Variants in PRKG1 observed in about 807,000 individuals in gnomAD.
PRKG1 encodes cGMP-dependent protein kinase 1.
PRKG1 carries 35 observed loss-of-function variants against 88.1 expected under a neutral mutation model. That is an observed-to-expected ratio of 0.40 (90% CI 0.30 to 0.53). The LOEUF (loss-of-function observed/expected upper bound fraction) is 0.53. PRKG1 is among the 20% of genes least tolerant of loss of function. The pLI, the probability that PRKG1 is intolerant of heterozygous loss-of-function variation, is 0.59. For synonymous variants in PRKG1, 303 were observed against 292.5 expected (o/e 1.04, Z -0.37); for missense variants, 540 against 839.8 (o/e 0.64, Z 4.41).
chr10:52,127,588 A>T (rs1323026636), intron 7 of PRKG1, among the ~76,000 whole-genome samples: 1 of 152,184 alleles, frequency 6.6e-6, no homozygotes, highest in Non-Finnish European at 1.5e-5. Context: ...TTAATTTATT[A>T]TATAGAAACT....
chr10:51,193,742 C>A (rs1476966867), intron 2 of PRKG1, among the ~76,000 whole-genome samples: 2 of 152,020 alleles, frequency 1.3e-5, no homozygotes, highest in Non-Finnish European at 2.9e-5. Context: ...GATCATAAGC[C>A]AAGGAGAAAA....
At chr10:51,863,288 T>A in intron 4 of PRKG1, among the ~76,000 whole-genome samples, 1 of 152,186 alleles carries the variant, frequency 6.6e-6, no homozygotes, top group East Asian at 1.9e-4. Context: ...CCAGCAAGAA[T>A]GGACCACAGT....
intron 1 of PRKG1, among the ~76,000 whole-genome samples, chr10:51,127,281 A>T (rs1845452033): frequency 6.6e-6 from 1 of 152,152 alleles, no homozygotes; most frequent in African/African-American, 2.4e-5. Flanking sequence ...CAACAACAAC[A>T]TCAAAAAGTG....
chr10:51,547,947 AG>A (rs1322308269), intron 3 of PRKG1, among the ~76,000 whole-genome samples: 1 of 152,120 alleles, frequency 6.6e-6, no homozygotes, highest in African/African-American at 2.4e-5. Context: ...TTAATTATTA[AG>A]GCTTAATTCA....
intron 3 of PRKG1, among the ~76,000 whole-genome samples, chr10:51,500,006 C>T (rs1322537449): frequency 6.6e-6 from 1 of 152,030 alleles, no homozygotes; most frequent in African/African-American, 2.4e-5. Context: ...CAAACAAAAA[C>T]ATAATCTTGG....
At chr10:51,995,771 A>G (rs1844423840) in intron 5 of PRKG1, among the ~76,000 whole-genome samples, 1 of 152,208 alleles carries the variant, frequency 6.6e-6, no homozygotes. Flanking sequence ...AAATGGAGGT[A>G]AACATGTATA....
chr10:52,119,218 G>A (rs1847758993), intron 7 of PRKG1, among the ~76,000 whole-genome samples: 1 of 152,110 alleles, frequency 6.6e-6, no homozygotes, highest in Non-Finnish European at 1.5e-5. Context: ...GAGCATTGAA[G>A]ACCATGATAA....
At chr10:51,006,483 A>G (rs1589102808) in intron 1 of PRKG1, among the ~76,000 whole-genome samples, 1 of 152,332 alleles carries the variant, frequency 6.6e-6, no homozygotes, top group East Asian at 1.9e-4. Flanking sequence ...CCAAATATAT[A>G]AGAACTTTTA....
At chr10:52,016,298 G>T (rs12572645) in intron 5 of PRKG1, among the ~76,000 whole-genome samples, 30,943 of 152,142 alleles carry the variant, frequency 0.2, 3,315 homozygotes, top group East Asian at 0.32. Context: ...GAATCAAGAC[G>T]TTTTTTATAT....
At position 51,427,967 on chromosome 10, in the gene PRKG1, G is replaced by A. The variant is rs150272417; in HGVS notation, c.479-39756G>A. 6.7e-3 allele frequency among the ~76,000 whole-genome samples: 1,023 copies of A among 152,242 alleles called. 14 individuals carry two copies. The highest frequency in any genetic ancestry group is 0.024 in the African/African-American group (988 of 41,550). On this transcript the variant is annotated intron_variant, in intron 2 of 17. Coordinates refer to ENST00000373980, the MANE Select transcript of PRKG1 (RefSeq NM_006258.4). ...AAAGTCATGAGTTAATGGAATCCAT[G>A]GAGTGGAACAAATATGAGTAAAGTC... is the stretch of plus-strand genomic sequence containing the variant.
intron 2 of PRKG1, among the ~76,000 whole-genome samples, chr10:51,391,251 G>A (rs1016891840): frequency 6.6e-6 from 1 of 152,174 alleles, no homozygotes; most frequent in Non-Finnish European, 1.5e-5. Flanking sequence ...CTTACCTCCT[G>A]CAGAGTGAGT....
intron 4 of PRKG1, among the ~76,000 whole-genome samples, chr10:51,862,367 C>T (rs1304475430): frequency 6.6e-6 from 1 of 152,130 alleles, no homozygotes; most frequent in Non-Finnish European, 1.5e-5. Context: ...GCACTTTTCA[C>T]ACCCACCATT....
intron 7 of PRKG1, among the ~76,000 whole-genome samples, chr10:52,097,094 A>G (rs1006277060): frequency 1.3e-5 from 2 of 152,174 alleles, no homozygotes; most frequent in Admixed American, 6.6e-5. Context: ...GACAGATTCA[A>G]TAAAATTGTT....
chr10:51,642,069 A>T (rs1839813326), intron 3 of PRKG1, among the ~76,000 whole-genome samples: 1 of 152,204 alleles, frequency 6.6e-6, no homozygotes, highest in East Asian at 1.9e-4. Flanking sequence ...TACATTTCAT[A>T]GAACTTAAAG....
At chr10:51,446,804 G>A (rs1434774939) in intron 2 of PRKG1, among the ~76,000 whole-genome samples, 1 of 152,030 alleles carries the variant, frequency 6.6e-6, no homozygotes, top group Non-Finnish European at 1.5e-5. Flanking sequence ...GGTCCATGTT[G>A]ACTATCTTAT....
chr10:51,351,560 A>C (rs929577060), intron 2 of PRKG1, among the ~76,000 whole-genome samples: 4 of 151,934 alleles, frequency 2.6e-5, no homozygotes, highest in African/African-American at 9.7e-5. Flanking sequence ...TCTTCTTTTG[A>C]GAAGTGTCTC....
intron 2 of PRKG1, among the ~76,000 whole-genome samples, chr10:51,314,919 G>A (rs1427545432): frequency 6.6e-6 from 1 of 152,146 alleles, no homozygotes; most frequent in Non-Finnish European, 1.5e-5. Context: ...TCACATCTAT[G>A]CCCTTGAGTT....
intron 3 of PRKG1, among the ~76,000 whole-genome samples, chr10:51,658,649 C>T (rs1689628729): frequency 6.6e-6 from 1 of 152,084 alleles, no homozygotes; most frequent in Non-Finnish European, 1.5e-5. Flanking sequence ...TGAATTCTCA[C>T]TAAAGGATAT....
At chr10:51,834,778 GA>G (rs1840091459) in intron 4 of PRKG1, among the ~76,000 whole-genome samples, 1 of 151,780 alleles carries the variant, frequency 6.6e-6, no homozygotes, top group African/African-American at 2.4e-5. Flanking sequence ...AAAAAGAAAA[GA>G]AAAGAAAGTG....
Sources: allele counts gnomAD v4.1 joint callset (sites outside exome capture counted in the v4.1 genomes callset), GRCh38; gene constraint gnomAD v4.1.1; transcripts MANE v1.5; gene names NCBI Gene and HGNC (gene_info 2026-07-23, HGNC 2026-07-21).